The following PCDH15 variants were observed in gnomAD, a reference collection of about 807,000 sequenced individuals.
PCDH15 encodes the protein protocadherin related 15.
A neutral mutation model predicts 178.5 loss-of-function variants in PCDH15; 129 were observed. The observed-to-expected ratio is 0.72, with a 90% CI of 0.63 to 0.84. The LOEUF (loss-of-function observed/expected upper bound fraction) is 0.84. PCDH15 is among the 40% of genes least tolerant of loss of function. The probability of loss-of-function intolerance (pLI) is 0.00; values close to 1 mark genes in which losing one functional copy is unlikely to be tolerated. For missense variants in PCDH15, 2,230 were observed against 2,099.9 expected (o/e 1.06, Z -1.21); for synonymous variants, 800 against 732.0 (o/e 1.09, Z -1.50).
chr10:54,487,996 A>T (rs561434621), intron 3 of PCDH15, among the ~76,000 whole-genome samples: 2 of 152,056 alleles, frequency 1.3e-5, no homozygotes, highest in Admixed American at 1.3e-4. Flanking sequence ...GACTAGTTTG[A>T]TAACCTGGGT....
chr10:55,037,434 A>G (rs1840765564), intron 2 of PCDH15, among the ~76,000 whole-genome samples: 1 of 152,080 alleles, frequency 6.6e-6, no homozygotes, highest in Non-Finnish European at 1.5e-5. Flanking sequence ...GGGTTTCACC[A>G]TGTTGGCCAG....
intron 8 of PCDH15, among the ~76,000 whole-genome samples, chr10:54,269,892 T>A (rs7908818): frequency 0.024 from 3,706 of 152,154 alleles, 92 homozygotes; most frequent in South Asian, 0.063. Context: ...AAGTGTTTTA[T>A]ATAAAATGTT....
intron 1 of PCDH15, among the ~76,000 whole-genome samples, chr10:54,727,954 C>T (rs573477280): frequency 6.6e-6 from 1 of 151,452 alleles, no homozygotes; most frequent in South Asian, 2.1e-4. Context: ...AACCAACCAA[C>T]CAGAATAAGC....
At chr10:55,096,994 G>C (rs547109210) in intron 2 of PCDH15, among the ~76,000 whole-genome samples, 1 of 151,998 alleles carries the variant, frequency 6.6e-6, no homozygotes, top group Non-Finnish European at 1.5e-5. Flanking sequence ...ACAAGAAAAT[G>C]CACACATCTC....
At chr10:54,735,803 G>T (rs1944030841) in intron 1 of PCDH15, among the ~76,000 whole-genome samples, 1 of 121,020 alleles carries the variant, frequency 8.3e-6, no homozygotes, top group Admixed American at 8.9e-5. Context: ...ACTCATAGGT[G>T]GGAATTGAAC....
intron 2 of PCDH15, among the ~76,000 whole-genome samples, chr10:54,560,610 A>C (rs755032447): frequency 2.6e-5 from 4 of 152,074 alleles, no homozygotes; most frequent in Non-Finnish European, 4.4e-5. Flanking sequence ...AAGAATGTAC[A>C]TATTTAATTT....
At chr10:54,147,016 T>TAATATATATAGTGTATATATAAC (rs1491305720) in intron 14 of PCDH15, among the ~76,000 whole-genome samples, 1 of 79,236 alleles carries the variant, frequency 1.3e-5, no homozygotes, top group Admixed American at 1.3e-4. Context: ...GTATATATAA[T>TAATATATATAGTGTATATATAAC]GTGTATATAT....
At chr10:55,294,839 T>G (rs1843093932) in intron 1 of PCDH15, among the ~76,000 whole-genome samples, 1 of 152,202 alleles carries the variant, frequency 6.6e-6, no homozygotes, top group South Asian at 2.1e-4. Context: ...AATTTCCAAA[T>G]AATAAAAATA....
chr10:55,178,724 A>G (rs950994288), intron 1 of PCDH15, among the ~76,000 whole-genome samples: 2 of 152,190 alleles, frequency 1.3e-5, no homozygotes, highest in Non-Finnish European at 1.5e-5. Context: ...GCTAAAGATC[A>G]TAAGTGTCAG....
chr10:55,261,219 A>G (rs1293250392), intron 1 of PCDH15, among the ~76,000 whole-genome samples: 2 of 152,218 alleles, frequency 1.3e-5, no homozygotes, highest in Non-Finnish European at 2.9e-5. Context: ...CATGGTTGTG[A>G]CATATGAAAT....
At chr10:54,794,022 A>T (rs1951705123) in intron 1 of PCDH15, among the ~76,000 whole-genome samples, 1 of 148,450 alleles carries the variant, frequency 6.7e-6, no homozygotes, top group South Asian at 2.1e-4. Context: ...AACAATGCAC[A>T]GCTATTTCTT....
intron 26 of PCDH15, among the ~76,000 whole-genome samples, chr10:53,883,378 G>C (rs2080870267): frequency 6.6e-6 from 1 of 151,974 alleles, no homozygotes; most frequent in Admixed American, 6.6e-5. Flanking sequence ...ATAATGATCA[G>C]GTAAAATTAT....
intron 3 of PCDH15, among the ~76,000 whole-genome samples, chr10:54,816,389 A>T (rs924431891): frequency 4.6e-5 from 7 of 152,080 alleles, no homozygotes; most frequent in Non-Finnish European, 1.0e-4. Context: ...AGAAAGACAC[A>T]GTTACAAAGT....
intron 26 of PCDH15, 123 bp from the exon 27 acceptor site, chr10:53,866,980 C>T: frequency 1.4e-6 from 1 of 702,858 alleles, no homozygotes; most frequent in Non-Finnish European, 2.5e-6. Context: ...TAAAGCCCTC[C>T]TAAATGTCTG....
At chr10:55,396,027 C>CA (rs35512385) in intron 2 of PCDH15, among the ~76,000 whole-genome samples, 132 of 151,774 alleles carry the variant, frequency 8.7e-4, no homozygotes, top group African/African-American at 2.4e-3. Context: ...TACAATTTTA[C>CA]AAAAAAATAT....
chr10:54,050,745 A>C (rs963701169), intron 18 of PCDH15, among the ~76,000 whole-genome samples: 4 of 152,166 alleles, frequency 2.6e-5, no homozygotes, highest in African/African-American at 9.7e-5. Context: ...CTTTTGCTGC[A>C]TCGCTGAGAT....
chr10:55,217,729 G>C (rs1554841874), intron 1 of PCDH15, among the ~76,000 whole-genome samples: 1 of 149,456 alleles, frequency 6.7e-6, no homozygotes, highest in Non-Finnish European at 1.5e-5. Context: ...TGACACAAAA[G>C]AAAAAAAAAC....
At chr10:55,414,616 A>G (rs933396301) in intron 2 of PCDH15, among the ~76,000 whole-genome samples, 7 of 151,540 alleles carry the variant, frequency 4.6e-5, no homozygotes, top group Non-Finnish European at 8.9e-5. Context: ...AAATGTATTA[A>G]TAAATATTTT....
At chr10:54,216,846 A>G (rs919729914) in intron 9 of PCDH15, among the ~76,000 whole-genome samples, 21 of 152,214 alleles carry the variant, frequency 1.4e-4, no homozygotes, top group Non-Finnish European at 2.6e-4. Flanking sequence ...ATATACATCA[A>G]TAGTGGTCTG....
Sources: allele counts gnomAD v4.1 joint callset (sites outside exome capture counted in the v4.1 genomes callset), GRCh38; gene constraint gnomAD v4.1.1; transcripts MANE v1.5; gene names NCBI Gene and HGNC (gene_info 2026-07-23, HGNC 2026-07-21).